ANGPTL4: variants seen among roughly 807,000 people sequenced by gnomAD.
ANGPTL4 encodes angiopoietin-related protein 4.
In ANGPTL4, 39 loss-of-function variants were observed where a neutral mutation model predicts 39.2. The observed-to-expected ratio is 1.00, with a 90% CI of 0.77 to 1.30. ANGPTL4 has a LOEUF of 1.30. Among genes scored for constraint, ANGPTL4 ranks in the 50% most tolerant of loss-of-function variants. The pLI, the probability that ANGPTL4 is intolerant of heterozygous loss-of-function variation, is 0.00. For synonymous variants in ANGPTL4, 233 were observed against 229.5 expected (o/e 1.02, Z -0.14); for missense variants, 545 against 549.8 (o/e 0.99, Z 0.09).
intron 6 of ANGPTL4, among the ~76,000 whole-genome samples, chr19:8,372,800 A>C (rs571739094): frequency 6.6e-6 from 1 of 151,934 alleles, no homozygotes; most frequent in Non-Finnish European, 1.5e-5. Flanking sequence ...CCTCAAAAGA[A>C]AAAGAAAAAA....
At chr19:8,368,840 C>G (rs1243536798) in intron 3 of ANGPTL4, among the ~76,000 whole-genome samples, 1 of 152,056 alleles carries the variant, frequency 6.6e-6, no homozygotes, top group South Asian at 2.1e-4. Flanking sequence ...GGCGACAGAG[C>G]GAGACTCCGT....
rs768484549 is a variant in ANGPTL4, at chr19:8,369,346, G to T, written c.661+14G>T. ...AGATGACCTCAGGTAGGGTGTGTTA[G>T]TCCACCAGGGGCCCCTCTCCCCATA... is the stretch of plus-strand genomic sequence containing the variant. On this transcript the variant is annotated intron_variant, in intron 4 of 6. Coordinates refer to ENST00000301455, the MANE Select transcript of ANGPTL4 (RefSeq NM_139314.3). 6.3e-7 allele frequency: 1 copy of T among 1,595,154 alleles called. No individual in the cohort carries two copies. Among genetic ancestry groups the T allele is most frequent in the Non-Finnish European group, 8.6e-7 (1 of 1,167,600 alleles).
At chr19:8,367,969 G>T (rs550880702) in intron 3 of ANGPTL4, among the ~76,000 whole-genome samples, 2 of 151,812 alleles carry the variant, frequency 1.3e-5, no homozygotes, top group South Asian at 2.1e-4. Context: ...AAGTAGATGG[G>T]ATTATAGGCG....
intron 3 of ANGPTL4, among the ~76,000 whole-genome samples, chr19:8,368,740 C>T (rs1483467965): frequency 6.6e-6 from 1 of 152,204 alleles, no homozygotes; most frequent in African/African-American, 2.4e-5. Flanking sequence ...TGCCTGTAGT[C>T]CCAGCTGCTC....
At chr19:8,369,151 G>A (rs1599670735) in intron 3 of ANGPTL4, 68 bp from the exon 4 acceptor site, 4 of 1,283,548 alleles carry the variant, frequency 3.1e-6, no homozygotes, top group Non-Finnish European at 4.4e-6. Flanking sequence ...CCCCAGATAT[G>A]CCTGGCTCCT....
At chr19:8,368,785 G>A (rs1413680331) in intron 3 of ANGPTL4, among the ~76,000 whole-genome samples, 2 of 152,202 alleles carry the variant, frequency 1.3e-5, no homozygotes, top group African/African-American at 4.8e-5. Context: ...AACCTGGGAG[G>A]CGGAGGTTGC....
intron 1 of ANGPTL4, 79 bp from the exon 2 acceptor site, chr19:8,365,875 G>T: frequency 1.8e-6 from 2 of 1,082,632 alleles, no homozygotes; most frequent in Non-Finnish European, 2.8e-6. Flanking sequence ...ATGGAGATTT[G>T]GAAGGATGGA....
At position 8,364,560 on chromosome 19, in the gene ANGPTL4, G is replaced by C. The variant is rs1970960387; in HGVS notation, c.239G>C (p.Cys80Ser). The C allele has an allele frequency of 1.3e-6, 2 of 1,581,802 alleles. No homozygotes were observed. Among genetic ancestry groups the C allele is most frequent in the Admixed American group, 1.8e-5 (1 of 55,496 alleles). Residue 80 changes from cysteine (C) to serine (S), a missense_variant, in exon 1 of 7, where the codon TGT becomes TCT. Transcript: ENST00000301455. ...CGCCTGAGCGCGTGCGGGTCCGCCT[G>C]TCAGGGAACCGAGGGGTCCACCGAC... ...ERRLSACGSA[C>S]QGTEGSTDLP...
Position 8,364,276 on chromosome 19 carries a change from C to A in ANGPTL4, c.-46C>A. On this transcript the variant is annotated 5_prime_UTR_variant, in exon 1 of 7. Transcript: ENST00000301455. Reference sequence around the variant, plus strand: ...CCAGTCCTCGCACCTGGAACCCCAACGTCCCCGAGAGTCCCCGAATCCCCG... The same window carrying A: ...CCAGTCCTCGCACCTGGAACCCCAAAGTCCCCGAGAGTCCCCGAATCCCCG... 1 of 1,514,650 alleles carries A rather than the reference C, an allele frequency of 6.6e-7. No individual in the cohort carries two copies. Among genetic ancestry groups the A allele is most frequent in the Non-Finnish European group, 8.8e-7 (1 of 1,132,660 alleles). The allele number at this position is 1,514,650 out of a possible 1,614,324, so 93.8% of individuals were successfully genotyped here. A position where few individuals can be genotyped will look rare whatever the true frequency, so the allele number is the denominator to read the frequency against.
Position 8,366,320 on chromosome 19 carries a change from G to GT in ANGPTL4, c.547+2dup, listed in dbSNP as rs772684930. The GT allele has an allele frequency of 1.2e-6, 2 of 1,613,142 alleles. No individual in the cohort carries two copies. Among genetic ancestry groups the GT allele is most frequent in the African/African-American group, 1.3e-5 (1 of 74,914 alleles). On this transcript the variant is annotated splice_donor_variant, in intron 3 of 6. Transcript: ENST00000301455. LOFTEE classifies it high-confidence loss of function. Reference sequence around the variant, plus strand: ...GCTCACAATGTCAGCCGCCTGCACCGTGAGTGTCTGCCCCTCGATGCTCTC... The same window carrying GT: ...GCTCACAATGTCAGCCGCCTGCACCGTTGAGTGTCTGCCCCTCGATGCTCTC...
Position 8,371,200 on chromosome 19 carries a change from A to C in ANGPTL4, c.758-41A>C. ...AGGCAGGGGAGGAAGAGGGACCCTCAGAAGTGGCCCTGCCTCATGGAGTGG... is the reference window on the plus strand; with the variant it reads ...AGGCAGGGGAGGAAGAGGGACCCTCCGAAGTGGCCCTGCCTCATGGAGTGG... On this transcript the variant is annotated intron_variant, in intron 5 of 6. Coordinates refer to ENST00000301455, the MANE Select transcript of ANGPTL4 (RefSeq NM_139314.3). This position sits in a 1 kb window ranked among gnomAD's most constrained non-coding sequence, Gnocchi z 5.1. 1 of 1,614,134 alleles carries C rather than the reference A, an allele frequency of 6.2e-7. No homozygotes were observed. The highest frequency in any genetic ancestry group is 8.5e-7 in the Non-Finnish European group (1 of 1,180,016).
Position 8,371,452 on chromosome 19 carries a change from C to T in ANGPTL4, c.969C>T (p.Ser323=), listed in dbSNP as rs913940639. The change falls in exon 6 of 7, where the codon TCC becomes TCT. Residue 323 remains serine (S), a synonymous_variant. Transcript: ENST00000301455. The surrounding 1 kb of genome is among the most constrained non-coding windows in gnomAD (Gnocchi z 5.1). ...GATTVPPSGL[S]VPFSTWDQDH... is the part of the protein sequence containing the mutation. ...CCACCGTCCCACCCAGCGGCCTCTC[C>T]GTACCCTTCTCCACTTGGGACCAGG... is the stretch of plus-strand genomic sequence containing the variant. The T allele has an allele frequency of 8.1e-6, 13 of 1,613,398 alleles. No homozygotes were observed. Among genetic ancestry groups the T allele is most frequent in the Middle Eastern group, 1.6e-4 (1 of 6,062 alleles).
intron 4 of ANGPTL4, among the ~76,000 whole-genome samples, chr19:8,370,298 C>T (rs1288586946): frequency 2.6e-5 from 4 of 151,932 alleles, no homozygotes; most frequent in East Asian, 3.9e-4. Context: ...CCCAGCTACT[C>T]GGGAGGCCAA....
intron 4 of ANGPTL4, among the ~76,000 whole-genome samples, chr19:8,370,205 C>G (rs973081083): frequency 5.4e-5 from 8 of 148,926 alleles, no homozygotes; most frequent in Non-Finnish European, 1.2e-4. Flanking sequence ...TCCGTCCCCC[C>G]ATCAAAAAAA....
chr19:8,374,053 G>T lies in ANGPTL4; in HGVS notation c.*167G>T, dbSNP rs543626813. The T allele has an allele frequency of 4.2e-6, 3 of 719,062 alleles. No individual in the cohort carries two copies. Among genetic ancestry groups the T allele is most frequent in the Non-Finnish European group, 6.9e-6 (3 of 434,492 alleles). The allele number at this position is 719,062 out of a possible 1,614,324, so 44.5% of individuals were successfully genotyped here. A position where few individuals can be genotyped will look rare whatever the true frequency, so the allele number is the denominator to read the frequency against. On this transcript the variant is annotated 3_prime_UTR_variant, in exon 7 of 7. Transcript: ENST00000301455. Reference sequence around the variant, plus strand: ...GGAGAAGCCCCCTTTCTGAGTGCAGGGGGGCTGCATGCGTTGCCTCCTGAG... The same window carrying T: ...GGAGAAGCCCCCTTTCTGAGTGCAGTGGGGCTGCATGCGTTGCCTCCTGAG...
rs1444981468 is a variant in ANGPTL4, at chr19:8,371,834, T to C, written c.1039+312T>C. On this transcript the variant is annotated intron_variant, in intron 6 of 6. Coordinates refer to ENST00000301455, the MANE Select transcript of ANGPTL4 (RefSeq NM_139314.3). This position sits in a 1 kb window ranked among gnomAD's most constrained non-coding sequence, Gnocchi z 5.1. ...GCTTTGTGGCACGATCTTGGCTCAC[T>C]GCAAGCTCCACCTCCTGAGTTCACA... Among the ~76,000 whole-genome samples the C allele has an allele frequency of 6.6e-6, 1 of 152,138 alleles. No homozygotes were observed. The highest frequency in any genetic ancestry group is 1.5e-5 in the Non-Finnish European group (1 of 68,022).
intron 6 of ANGPTL4, among the ~76,000 whole-genome samples, chr19:8,372,526 C>T (rs965361233): frequency 2.0e-5 from 3 of 147,058 alleles, no homozygotes; most frequent in African/African-American, 7.5e-5. Context: ...AAATTAGGCA[C>T]GGTGGCTCAC....
chr19:8,373,202 T>G (rs551690472), intron 6 of ANGPTL4, among the ~76,000 whole-genome samples: 5 of 151,704 alleles, frequency 3.3e-5, no homozygotes, highest in African/African-American at 1.2e-4. Context: ...GTAAGGAGTT[T>G]GAGACCAACC....
intron 4 of ANGPTL4, 69 bp downstream of exon 4, chr19:8,369,401 CAA>C (rs1419222548): frequency 9.3e-6 from 10 of 1,073,398 alleles, no homozygotes; most frequent in Non-Finnish European, 1.4e-5. Flanking sequence ...AAATTGAAAA[CAA>C]AACAAAACAA....
Sources: allele counts gnomAD v4.1 joint callset (sites outside exome capture counted in the v4.1 genomes callset), GRCh38; gene constraint gnomAD v4.1.1; non-coding constraint Gnocchi (gnomAD v3.1); transcripts MANE v1.5; gene names NCBI Gene and HGNC (gene_info 2026-07-23, HGNC 2026-07-21).